The following SH3GL1 variants were observed in gnomAD, a reference collection of about 807,000 sequenced individuals.
SH3GL1 encodes endophilin-A2.
SH3GL1 carries 21 observed loss-of-function variants against 48.8 expected under a neutral mutation model. The observed-to-expected ratio is 0.43, with a 90% CI of 0.30 to 0.62. The LOEUF (loss-of-function observed/expected upper bound fraction) is 0.62. Ranked by LOEUF, SH3GL1 falls within the 20% of genes least tolerant of loss-of-function variation. The pLI, the probability that SH3GL1 is intolerant of heterozygous loss-of-function variation, is 0.11. For synonymous variants in SH3GL1, 282 were observed against 217.5 expected (o/e 1.30, Z -2.61); for missense variants, 454 against 503.0 (o/e 0.90, Z 0.93).
At chr19:4,374,461 C>T (rs1048919543) in intron 1 of SH3GL1, among the ~76,000 whole-genome samples, 38 of 152,226 alleles carry the variant, frequency 2.5e-4, no homozygotes, top group African/African-American at 8.9e-4. Flanking sequence ...GAGTCCAGCC[C>T]ACACTGCCTT....
intron 7 of SH3GL1, 29 bp downstream of exon 7, chr19:4,363,341 C>G (rs1454279578): frequency 1.9e-6 from 3 of 1,549,080 alleles, no homozygotes; most frequent in South Asian, 1.2e-5. Flanking sequence ...GCAGCCCAGA[C>G]TCTGGAGAGA....
intron 1 of SH3GL1, among the ~76,000 whole-genome samples, chr19:4,374,109 G>A (rs1426560595): frequency 6.6e-6 from 1 of 152,228 alleles, no homozygotes; most frequent in Non-Finnish European, 1.5e-5. Context: ...ATGAAAATGA[G>A]GGGGAGAAAA....
At chr19:4,366,865 C>G in intron 2 of SH3GL1, 61 bp downstream of exon 2, 2 of 1,547,012 alleles carry the variant, frequency 1.3e-6, no homozygotes, top group Non-Finnish European at 1.8e-6. Flanking sequence ...TCCACTATGC[C>G]CGGCAGAGGT....
At chr19:4,383,355 C>T (rs1430641858) in intron 1 of SH3GL1, among the ~76,000 whole-genome samples, 1 of 152,060 alleles carries the variant, frequency 6.6e-6, no homozygotes, top group Non-Finnish European at 1.5e-5. Flanking sequence ...GCTGGGACTA[C>T]AGGCGTGCAT....
chr19:4,382,070 G>A (rs1973145039), intron 1 of SH3GL1, among the ~76,000 whole-genome samples: 1 of 151,904 alleles, frequency 6.6e-6, no homozygotes, highest in South Asian at 2.1e-4. Context: ...ACTCTATTCT[G>A]GGGGTTCTGG....
intron 1 of SH3GL1, among the ~76,000 whole-genome samples, chr19:4,398,240 G>A (rs985370667): frequency 2.0e-5 from 3 of 152,092 alleles, no homozygotes; most frequent in Admixed American, 2.0e-4. Flanking sequence ...TCCGAACTGT[G>A]GGCAGAGAAC....
At chr19:4,385,148 C>T (rs1055433279) in intron 1 of SH3GL1, among the ~76,000 whole-genome samples, 1 of 151,436 alleles carries the variant, frequency 6.6e-6, no homozygotes, top group African/African-American at 2.4e-5. Context: ...CAAGAAAGCA[C>T]GTGATCCTGT....
At chr19:4,393,196 G>A (rs1455581662) in intron 1 of SH3GL1, among the ~76,000 whole-genome samples, 1 of 152,174 alleles carries the variant, frequency 6.6e-6, no homozygotes, top group Admixed American at 6.5e-5. Context: ...AGGAGGCGGA[G>A]GTTGCAGTGA....
chr19:4,371,546 G>A (rs577882462), intron 1 of SH3GL1, among the ~76,000 whole-genome samples: 6 of 152,378 alleles, frequency 3.9e-5, no homozygotes, highest in South Asian at 2.1e-4. Context: ...TGAATTCACA[G>A]GGTTTTGTTT....
chr19:4,369,792 G>A (rs1313728598), intron 1 of SH3GL1, among the ~76,000 whole-genome samples: 1 of 152,264 alleles, frequency 6.6e-6, no homozygotes, highest in Non-Finnish European at 1.5e-5. Context: ...CTCCAGCCAA[G>A]TCCCTTGTGG....
intron 1 of SH3GL1, among the ~76,000 whole-genome samples, chr19:4,392,916 G>C (rs549725177): frequency 7.9e-5 from 12 of 152,224 alleles, no homozygotes; most frequent in Admixed American, 7.2e-4. Context: ...ACACCACCTT[G>C]GGAGTGGGGA....
chr19:4,362,252 A>G (rs1972637935), intron 9 of SH3GL1, 77 bp downstream of exon 9: 3 of 1,415,616 alleles, frequency 2.1e-6, no homozygotes, highest in East Asian at 2.4e-5. Context: ...GGCAGAGAAC[A>G]GGGCGGGAGG....
intron 1 of SH3GL1, among the ~76,000 whole-genome samples, chr19:4,371,483 G>A (rs1267307967): frequency 3.9e-5 from 6 of 152,254 alleles, no homozygotes; most frequent in Non-Finnish European, 8.8e-5. Flanking sequence ...CACACAGCAC[G>A]GAACACAAAT....
chr19:4,362,997 A>G (rs1329438270), intron 7 of SH3GL1, among the ~76,000 whole-genome samples: 1 of 152,080 alleles, frequency 6.6e-6, no homozygotes, highest in African/African-American at 2.4e-5. Flanking sequence ...CAACACCCCC[A>G]GTCGCATCCC....
Position 4,363,432 on chromosome 19 carries a change from C to G in SH3GL1, c.666G>C (p.Gln222His). ...GCACGGCCTGCCGGTGGTAGTCCAG[C>G]TGTGCATCCACCAGGGCCGAGAGCT... is the stretch of plus-strand genomic sequence containing the variant. Reference protein sequence around the residue: ...VSQLSALVDAQLDYHRQAVQI... With the variant: ...VSQLSALVDAHLDYHRQAVQI... Residue 222 changes from glutamine to histidine, a missense_variant, in exon 7 of 10, where the codon CAG becomes CAC. Physicochemically the swap from Gln to His is conservative, Grantham distance 24. Coordinates refer to ENST00000269886, the MANE Select transcript of SH3GL1 (RefSeq NM_003025.4). 2 of 1,612,874 alleles carry G rather than the reference C, an allele frequency of 1.2e-6. No homozygotes were observed. The highest frequency in any genetic ancestry group is 8.5e-7 in the Non-Finnish European group (1 of 1,179,744).
chr19:4,372,156 A>C (rs1972915734), intron 1 of SH3GL1, among the ~76,000 whole-genome samples: 1 of 152,184 alleles, frequency 6.6e-6, no homozygotes. Context: ...AGGACAAAGC[A>C]TGGGTTGGGG....
In SH3GL1 at chr19:4,388,412, TAC is replaced by T. The variant is rs1037159718; in HGVS notation, c.45+11910_45+11911del. 4.0e-5 allele frequency among the ~76,000 whole-genome samples: 6 copies of T among 151,504 alleles called. No individual in the cohort carries two copies. The East Asian group carries it at 9.7e-4, about 24-fold the overall frequency. ...AGGGGACGCAGGCTTAGAAGACAGGTACAGAGAGGGGCAGCGGAAGCACAGGA... is the reference window on the plus strand; with the variant it reads ...AGGGGACGCAGGCTTAGAAGACAGGTAGAGAGGGGCAGCGGAAGCACAGGA... On this transcript the variant is annotated intron_variant, in intron 1 of 9. Coordinates refer to ENST00000269886, the MANE Select transcript of SH3GL1 (RefSeq NM_003025.4).
Position 4,389,576 on chromosome 19 carries a change from C to T in SH3GL1, c.45+10748G>A, listed in dbSNP as rs540422674. ...AGGGGCTCCAGAAGCTCCCGAAATTCGGCTGAGAGCTTGAACTGTACCCTG... is the reference window on the plus strand; with the variant it reads ...AGGGGCTCCAGAAGCTCCCGAAATTTGGCTGAGAGCTTGAACTGTACCCTG... On this transcript the variant is annotated intron_variant, in intron 1 of 9. Coordinates refer to ENST00000269886, the MANE Select transcript of SH3GL1 (RefSeq NM_003025.4). This position sits in a 1 kb window ranked among gnomAD's most constrained non-coding sequence, Gnocchi z 4.5. Among the ~76,000 whole-genome samples, 9 of 152,274 alleles carry T rather than the reference C, an allele frequency of 5.9e-5. No individual in the cohort carries two copies. The highest frequency in any genetic ancestry group is 4.1e-4 in the South Asian group (2 of 4,828).
At chr19:4,365,431 A>AG in intron 4 of SH3GL1, 51 bp downstream of exon 4, 1 of 1,609,818 alleles carries the variant, frequency 6.2e-7, no homozygotes, top group South Asian at 1.1e-5. Flanking sequence ...GCCTGTGTTG[A>AG]GGTGTGGCCT....
Sources: allele counts gnomAD v4.1 joint callset (sites outside exome capture counted in the v4.1 genomes callset), GRCh38; gene constraint gnomAD v4.1.1; non-coding constraint Gnocchi (gnomAD v3.1); transcripts MANE v1.5; gene names NCBI Gene and HGNC (gene_info 2026-07-23, HGNC 2026-07-21).